ANXA4: variants seen among roughly 807,000 people sequenced by gnomAD.
ANXA4 encodes annexin A4.
In ANXA4, 39 loss-of-function variants were observed where a neutral mutation model predicts 49.8. The observed-to-expected ratio is 0.78, with a 90% CI of 0.61 to 1.02. The LOEUF is 1.02. Ranked by LOEUF, ANXA4 falls within the 50% of genes least tolerant of loss-of-function variation. The pLI is 0.00. For missense variants in ANXA4, 360 were observed against 410.1 expected (o/e 0.88, Z 1.05); for synonymous variants, 134 against 152.5 (o/e 0.88, Z 0.89).
intron 4 of ANXA4, 112 bp from the exon 5 acceptor site, chr2:69,806,273 G>A: frequency 1.5e-6 from 1 of 682,600 alleles, no homozygotes; most frequent in Admixed American, 2.4e-5. Flanking sequence ...GTTTTGACTT[G>A]CAGGCCCCTT....
At chr2:69,818,371 G>C (rs11126248) in intron 9 of ANXA4, 25,863 of 302,174 alleles carry the variant, frequency 0.086, 4,333 homozygotes, top group African/African-American at 0.38. Flanking sequence ...TAAGGGAAAG[G>C]ACTTGACTGA....
intron 3 of ANXA4, among the ~76,000 whole-genome samples, chr2:69,801,903 A>G (rs1673214127): frequency 6.6e-6 from 1 of 152,200 alleles, no homozygotes; most frequent in African/African-American, 2.4e-5. Context: ...GAAACAACAT[A>G]TGACAGAATC....
intron 2 of ANXA4, among the ~76,000 whole-genome samples, chr2:69,781,950 A>G (rs1306430483): frequency 6.6e-6 from 1 of 152,212 alleles, no homozygotes; most frequent in African/African-American, 2.4e-5. Context: ...AGGTAGCCAC[A>G]TCATTTCAGG....
intron 2 of ANXA4, among the ~76,000 whole-genome samples, chr2:69,706,469 T>A (rs1456668320): frequency 6.6e-6 from 1 of 151,556 alleles, no homozygotes; most frequent in Non-Finnish European, 1.5e-5. Flanking sequence ...CCTGGCTAAT[T>A]TTTGTATTTT....
At chr2:69,667,610 T>G (rs926329717) in intron 2 of ANXA4, among the ~76,000 whole-genome samples, 1 of 152,200 alleles carries the variant, frequency 6.6e-6, no homozygotes, top group Middle Eastern at 3.2e-3. Context: ...TGGCAACATT[T>G]ATGTCAGTTC....
upstream of ANXA4, chr2:69,742,052 C>A (rs536194965): frequency 6.6e-6 from 1 of 152,370 alleles, no homozygotes; most frequent in Non-Finnish European, 1.5e-5. Flanking sequence ...AGAGGAACAA[C>A]CAGGAACTTG....
intron 8 of ANXA4, chr2:69,814,743 G>GGGGTGTGT (rs1553365515): frequency 8.1e-6 from 1 of 123,636 alleles, no homozygotes; most frequent in Non-Finnish European, 1.6e-5. Context: ...GACACAGAGG[G>GGGGTGTGT]GTGTGTGTGT....
chr2:69,751,491 G>C (rs1052347126), intron 1 of ANXA4, among the ~76,000 whole-genome samples: 1 of 130,240 alleles, frequency 7.7e-6, no homozygotes, highest in Non-Finnish European at 1.5e-5. Context: ...CTGGATGACA[G>C]AGTGAGACCC....
intron 3 of ANXA4, among the ~76,000 whole-genome samples, chr2:69,721,310 G>A (rs990174476): frequency 7.9e-5 from 12 of 152,214 alleles, no homozygotes; most frequent in African/African-American, 2.9e-4. Flanking sequence ...GACTCTACAG[G>A]GTGGGTAGGC....
chr2:69,823,121 A>G (rs958799048), intron 12 of ANXA4, among the ~76,000 whole-genome samples: 1 of 150,334 alleles, frequency 6.7e-6, no homozygotes, highest in Non-Finnish European at 1.5e-5. Context: ...AATAGGGAAT[A>G]ACAAATTATG....
chr2:69,725,752 T>C (rs375836341), intron 3 of ANXA4, among the ~76,000 whole-genome samples: 4 of 152,224 alleles, frequency 2.6e-5, no homozygotes, highest in Non-Finnish European at 4.4e-5. Context: ...TCTTGATCAC[T>C]CACAGCCTCT....
At chr2:69,801,753 G>A (rs1342375726) in intron 3 of ANXA4, among the ~76,000 whole-genome samples, 1 of 152,112 alleles carries the variant, frequency 6.6e-6, no homozygotes, top group Non-Finnish European at 1.5e-5. Context: ...TGTATCAGCA[G>A]GAGGTACTTG....
chr2:69,715,045 A>G (rs1364882233), intron 2 of ANXA4, among the ~76,000 whole-genome samples: 3 of 152,164 alleles, frequency 2.0e-5, no homozygotes, highest in Non-Finnish European at 2.9e-5. Context: ...ACAGAACTGA[A>G]TATCTCCCTC....
At chr2:69,786,490 C>T (rs775187983) in intron 2 of ANXA4, among the ~76,000 whole-genome samples, 1 of 152,128 alleles carries the variant, frequency 6.6e-6, no homozygotes, top group Non-Finnish European at 1.5e-5. Flanking sequence ...CAAAACCTGT[C>T]GGTGGCTTTC....
intron 2 of ANXA4, among the ~76,000 whole-genome samples, chr2:69,674,995 T>C (rs942561133): frequency 2.0e-5 from 3 of 149,402 alleles, no homozygotes; most frequent in Non-Finnish European, 4.4e-5. Flanking sequence ...CCATCTCGGC[T>C]CACTGCAACC....
chr2:69,721,560 G>A (rs1030759233), intron 3 of ANXA4, among the ~76,000 whole-genome samples: 5 of 152,072 alleles, frequency 3.3e-5, no homozygotes, highest in African/African-American at 1.2e-4. Context: ...AGTTAACCAG[G>A]CACGGTGGAA....
At chr2:69,718,717 A>G (rs548266427) in intron 2 of ANXA4, among the ~76,000 whole-genome samples, 4 of 149,108 alleles carry the variant, frequency 2.7e-5, no homozygotes, top group South Asian at 2.1e-4. Flanking sequence ...GCACACATGC[A>G]CACACATGCA....
At chr2:69,745,185 G>A (rs1670560684) in intron 1 of ANXA4, among the ~76,000 whole-genome samples, 1 of 152,216 alleles carries the variant, frequency 6.6e-6, no homozygotes, top group Non-Finnish European at 1.5e-5. Flanking sequence ...GGTTTGACAT[G>A]TGGATAAGGG....
At chr2:69,785,367 G>A (rs1672370993) in intron 2 of ANXA4, among the ~76,000 whole-genome samples, 1 of 152,080 alleles carries the variant, frequency 6.6e-6, no homozygotes, top group African/African-American at 2.4e-5. Flanking sequence ...TACATTCTTG[G>A]ATCCAATTAG....
Sources: allele counts gnomAD v4.1 joint callset (sites outside exome capture counted in the v4.1 genomes callset), GRCh38; gene constraint gnomAD v4.1.1; transcripts MANE v1.5; gene names NCBI Gene and HGNC (gene_info 2026-07-23, HGNC 2026-07-21).